CADM2: variants seen among roughly 807,000 people sequenced by gnomAD.
The protein encoded by CADM2 is immunoglobulin superfamily member 4D.
In CADM2, 12 loss-of-function variants were observed where a neutral mutation model predicts 49.8. That is an observed-to-expected ratio of 0.24 (90% CI 0.15 to 0.39). CADM2 has a LOEUF of 0.39. Ranked by LOEUF, CADM2 falls within the 10% of genes least tolerant of loss-of-function variation. The pLI is 1.00. For synonymous variants in CADM2, 214 were observed against 175.4 expected (o/e 1.22, Z -1.74); for missense variants, 378 against 492.3 (o/e 0.77, Z 2.20).
intron 1 of CADM2, among the ~76,000 whole-genome samples, chr3:85,305,334 T>C (rs2044187767): frequency 6.6e-6 from 1 of 151,650 alleles, no homozygotes. Flanking sequence ...AAATCCACAT[T>C]ACTCTTCTCT....
intron 1 of CADM2, among the ~76,000 whole-genome samples, chr3:85,407,625 A>C: frequency 6.6e-6 from 1 of 152,294 alleles, no homozygotes; most frequent in African/African-American, 2.4e-5. Context: ...ATGTTTAAGT[A>C]GTTTCTAGAA....
At chr3:85,332,710 A>C (rs1027949829) in intron 1 of CADM2, among the ~76,000 whole-genome samples, 1 of 151,974 alleles carries the variant, frequency 6.6e-6, no homozygotes, top group Non-Finnish European at 1.5e-5. Context: ...TAAATTCCAT[A>C]CATTTTAAGT....
At chr3:85,245,637 A>G (rs1043494227) in intron 1 of CADM2, among the ~76,000 whole-genome samples, 4 of 152,106 alleles carry the variant, frequency 2.6e-5, no homozygotes, top group African/African-American at 9.7e-5. Context: ...GGAATTGACC[A>G]TTTGATCAAC....
At chr3:85,577,648 T>C (rs1157111937) in intron 1 of CADM2, among the ~76,000 whole-genome samples, 1 of 152,168 alleles carries the variant, frequency 6.6e-6, no homozygotes, top group Non-Finnish European at 1.5e-5. Flanking sequence ...TATTTTAATA[T>C]TTTGTTTTTT....
chr3:85,286,416 C>G (rs2106911542), intron 1 of CADM2, among the ~76,000 whole-genome samples: 1 of 152,228 alleles, frequency 6.6e-6, no homozygotes, highest in Non-Finnish European at 1.5e-5. Flanking sequence ...GAACATCTAG[C>G]ATATACAGGA....
chr3:85,243,865 A>G (rs933115257), intron 1 of CADM2, among the ~76,000 whole-genome samples: 3 of 152,096 alleles, frequency 2.0e-5, no homozygotes, highest in Admixed American at 6.6e-5. Flanking sequence ...TTATTCTACT[A>G]TGTAAGATCC....
At chr3:85,973,488 A>G (rs1726408677) in intron 8 of CADM2, among the ~76,000 whole-genome samples, 1 of 151,748 alleles carries the variant, frequency 6.6e-6, no homozygotes, top group African/African-American at 2.4e-5. Context: ...TCTTATTCTC[A>G]TTTGTTCAGG....
At chr3:85,716,981 T>C (rs2107754237) in intron 1 of CADM2, among the ~76,000 whole-genome samples, 1 of 152,320 alleles carries the variant, frequency 6.6e-6, no homozygotes, top group South Asian at 2.1e-4. Flanking sequence ...CTATATGGGC[T>C]CTTTTTTGGT....
Position 85,080,296 on chromosome 3 carries a change from T to TAGTC in CADM2, c.61+120630_61+120633dup, listed in dbSNP as rs368523420. Reference sequence around the variant, plus strand: ...TATTTTATGTGAGTATTTCACTGTGTAGTCACTTTAGCGGACCATGGATTC... The same window carrying TAGTC: ...TATTTTATGTGAGTATTTCACTGTGTAGTCAGTCACTTTAGCGGACCATGGATTC... On this transcript the variant is annotated intron_variant, in intron 1 of 9. Coordinates refer to ENST00000383699, the MANE Select transcript of CADM2 (RefSeq NM_001167675.2). 1.3e-3 allele frequency among the ~76,000 whole-genome samples: 201 copies of TAGTC among 152,128 alleles called. 1 individual carries two copies. The highest frequency in any genetic ancestry group is 4.5e-3 in the African/African-American group (188 of 41,552).
chr3:85,078,041 G>A (rs2037015180), intron 1 of CADM2, among the ~76,000 whole-genome samples: 1 of 151,968 alleles, frequency 6.6e-6, no homozygotes, highest in Non-Finnish European at 1.5e-5. Context: ...TTTAAATGCA[G>A]ACTTAACTTC....
At chr3:85,052,665 C>T (rs1243869649) in intron 1 of CADM2, among the ~76,000 whole-genome samples, 1 of 151,936 alleles carries the variant, frequency 6.6e-6, no homozygotes, top group Non-Finnish European at 1.5e-5. Context: ...AGGCAGTTTG[C>T]CCTTGGAGTA....
intron 8 of CADM2, among the ~76,000 whole-genome samples, chr3:85,988,856 G>A (rs941888063): frequency 2.6e-5 from 4 of 152,150 alleles, no homozygotes; most frequent in African/African-American, 9.7e-5. Context: ...AAGCAAAGAA[G>A]GCTGAACAAT....
At chr3:85,850,572 CCCGCCTCGG>C (rs2075068356) in intron 3 of CADM2, among the ~76,000 whole-genome samples, 2 of 152,124 alleles carry the variant, frequency 1.3e-5, no homozygotes, top group South Asian at 4.1e-4. Flanking sequence ...TCCTGATCCG[CCCGCCTCGG>C]CCTCCCAAAG....
intron 1 of CADM2, among the ~76,000 whole-genome samples, chr3:85,296,039 G>A (rs1413912644): frequency 2.0e-5 from 3 of 151,916 alleles, no homozygotes; most frequent in Non-Finnish European, 4.4e-5. Context: ...AGCTCAGTAT[G>A]AAATCTTGTA....
intron 1 of CADM2, among the ~76,000 whole-genome samples, chr3:85,565,777 T>A (rs2062237027): frequency 6.6e-6 from 1 of 152,040 alleles, no homozygotes; most frequent in Non-Finnish European, 1.5e-5. Context: ...TACTACAAAG[T>A]TTTCAGCAGA....
chr3:85,057,926 T>C (rs1334325789), intron 1 of CADM2, among the ~76,000 whole-genome samples: 1 of 152,194 alleles, frequency 6.6e-6, no homozygotes, highest in East Asian at 1.9e-4. Flanking sequence ...AAACTTTTGC[T>C]TTTTCATAAA....
intron 1 of CADM2, among the ~76,000 whole-genome samples, chr3:85,663,004 C>A (rs1398953917): frequency 2.0e-5 from 3 of 151,924 alleles, no homozygotes; most frequent in African/African-American, 7.2e-5. Flanking sequence ...CTAATATTAC[C>A]TAGTTTTCGT....
intron 1 of CADM2, among the ~76,000 whole-genome samples, chr3:85,304,133 A>G (rs2044161987): frequency 1.3e-5 from 2 of 151,816 alleles, no homozygotes; most frequent in African/African-American, 4.8e-5. Context: ...GGTGGCATAT[A>G]TGTAGATTTG....
intron 1 of CADM2, among the ~76,000 whole-genome samples, chr3:85,297,083 A>T (rs1157343842): frequency 1.3e-5 from 2 of 152,020 alleles, no homozygotes; most frequent in Non-Finnish European, 2.9e-5. Context: ...TATACTCCAC[A>T]CTACCTTGTT....
Sources: gnomAD v4.1 joint callset for allele counts (sites outside exome capture counted in the v4.1 genomes callset) on GRCh38, gnomAD v4.1.1 for gene constraint, MANE v1.5 for transcripts, NCBI Gene and HGNC (gene_info 2026-07-23, HGNC 2026-07-21) for gene names.